CC2D2A: variants seen among roughly 807,000 people sequenced by gnomAD.
CC2D2A encodes coiled-coil and C2 domain-containing protein 2A.
Under a neutral mutation model 212.9 loss-of-function variants are expected in CC2D2A, and 155 were observed. The ratio of observed to expected loss-of-function variants is 0.73; its 90% CI spans 0.64 to 0.83. CC2D2A has a LOEUF of 0.83. Ranked by LOEUF, CC2D2A falls within the 40% of genes least tolerant of loss-of-function variation. The probability of loss-of-function intolerance (pLI) is 0.00; values close to 1 mark genes in which losing one functional copy is unlikely to be tolerated. For synonymous variants in CC2D2A, 667 were observed against 686.5 expected, an observed-to-expected ratio of 0.97 and a Z score of 0.44; for missense variants, 1,856 against 1,956.2, an observed-to-expected ratio of 0.95 and a Z score of 0.97.
intron 30 of CC2D2A, among the ~76,000 whole-genome samples, chr4:15,582,145 C>A (rs1443876320): frequency 1.3e-5 from 2 of 151,670 alleles, no homozygotes; most frequent in Non-Finnish European, 2.9e-5. Context: ...TTTTAAAGTA[C>A]CAAGTGGAAC....
At chr4:15,504,600 G>A (rs1716151692) in intron 6 of CC2D2A, among the ~76,000 whole-genome samples, 1 of 152,020 alleles carries the variant, frequency 6.6e-6, no homozygotes, top group South Asian at 2.1e-4. Flanking sequence ...CACTGTCCAT[G>A]GGCCACAAAT....
chr4:15,500,482 C>T lies in CC2D2A; in HGVS notation c.248-1947C>T, dbSNP rs1715883711. Reference sequence around the variant, plus strand: ...GAATGCCAAAGGCCATTTTATTAAGCTAATGGAGATTCTCTTAAAGAACTT... The same window carrying T: ...GAATGCCAAAGGCCATTTTATTAAGTTAATGGAGATTCTCTTAAAGAACTT... On this transcript the variant is annotated intron_variant, in intron 4 of 36. Coordinates refer to ENST00000424120, the MANE Select transcript of CC2D2A (RefSeq NM_001378615.1). Among the ~76,000 whole-genome samples, 5 of 152,084 alleles carry T rather than the reference C, an allele frequency of 3.3e-5. No individual in the cohort carries two copies. In the South Asian group the frequency reaches 1.0e-3, roughly 32 times the overall value.
At chr4:15,600,803 A>C (rs1015371295) in intron 36 of CC2D2A, among the ~76,000 whole-genome samples, 19 of 150,880 alleles carry the variant, frequency 1.3e-4, no homozygotes, top group African/African-American at 4.6e-4. Flanking sequence ...CAGGAGGCTA[A>C]AGTGGGGGGA....
intron 29 of CC2D2A, among the ~76,000 whole-genome samples, chr4:15,577,820 C>T (rs1720478283): frequency 6.6e-6 from 1 of 152,070 alleles, no homozygotes; most frequent in Non-Finnish European, 1.5e-5. Context: ...TCCCACAGCA[C>T]TGTAGGTCTC....
chr4:15,507,119 C>T (rs376349827), intron 6 of CC2D2A, among the ~76,000 whole-genome samples: 100 of 151,658 alleles, frequency 6.6e-4, no homozygotes, highest in African/African-American at 2.2e-3. Context: ...CTGGGTAATA[C>T]TCATCTGCTT....
Position 15,555,182 on chromosome 4 carries a change from A to G in CC2D2A, c.2597A>G (p.Asn866Ser), listed in dbSNP as rs199563573. The change falls in exon 20 of 37, where the codon AAC (asparagine) becomes AGC (serine). Residue 866 changes from asparagine (N) to serine (S), a missense_variant. Physicochemically the swap from Asn to Ser is conservative, Grantham distance 46. Transcript: ENST00000424120. The stretch of plus-strand genomic sequence containing the variant: ...TCCAAGCTCGACCCAAATGACCCCA[A>G]CAATGCCCCTTTGATGCAGCTTATC... ...AESKLDPNDP[N>S]NAPLMQLISV... 2.5e-4 allele frequency: 405 copies of G among 1,613,782 alleles called. 2 individuals are homozygous for G. Among genetic ancestry groups the G allele is most frequent in the Non-Finnish European group, 3.2e-4 (383 of 1,179,842 alleles).
At chr4:15,543,586 T>G (rs1265210451) in intron 17 of CC2D2A, 1 of 152,216 alleles carries the variant, frequency 6.6e-6, no homozygotes, top group Non-Finnish European at 1.5e-5. Context: ...CAGGTAAAAG[T>G]AGAGAGTTGC....
At chr4:15,587,981 T>G (rs879723272) in intron 32 of CC2D2A, 52 bp downstream of exon 32, 1 of 1,029,928 alleles carries the variant, frequency 9.7e-7, no homozygotes, top group Non-Finnish European at 1.5e-6. Context: ...TCTAATCGAG[T>G]TGTGTGTTCC....
At chr4:15,577,365 A>G (rs1372653618) in intron 29 of CC2D2A, among the ~76,000 whole-genome samples, 1 of 152,198 alleles carries the variant, frequency 6.6e-6, no homozygotes, top group Non-Finnish European at 1.5e-5. Context: ...AGGCCAAAGA[A>G]TTGAGCCAGT....
intron 4 of CC2D2A, among the ~76,000 whole-genome samples, chr4:15,493,189 C>T (rs1715411526): frequency 6.6e-6 from 1 of 152,134 alleles, no homozygotes; most frequent in Non-Finnish European, 1.5e-5. Flanking sequence ...TTTGATCCCC[C>T]ACTTTCTTCA....
intron 4 of CC2D2A, among the ~76,000 whole-genome samples, chr4:15,493,750 G>T (rs1715450403): frequency 6.6e-6 from 1 of 152,104 alleles, no homozygotes; most frequent in Admixed American, 6.6e-5. Flanking sequence ...CATTTGTTTT[G>T]TTTACTGCCC....
intron 11 of CC2D2A, among the ~76,000 whole-genome samples, chr4:15,525,167 G>A (rs1401338737): frequency 6.6e-6 from 1 of 152,168 alleles, no homozygotes; most frequent in African/African-American, 2.4e-5. Flanking sequence ...GAGATGCAAA[G>A]TACAGGTGAC....
At chr4:15,599,799 C>T (rs1443354542) in intron 36 of CC2D2A, 93 bp downstream of exon 36, 5 of 946,334 alleles carry the variant, frequency 5.3e-6, no homozygotes, top group Non-Finnish European at 7.6e-6. Flanking sequence ...AAAAGACCCA[C>T]GTTGCTCCCA....
chr4:15,570,446 T>C lies in CC2D2A; in HGVS notation c.3544T>C (p.Trp1182Arg), dbSNP rs386833755. ...SGIHTRIERH[W>R]LGCVKMPFST... ...AATCCATACTCGTATTGAGAGACAC[T>C]GGCTGGGATGTGTGAAAATGCCATT... The change falls in exon 28 of 37, where the codon TGG (tryptophan) becomes CGG (arginine). Residue 1182 changes from tryptophan to arginine, a missense_variant. This residue lies in a region of CC2D2A where 1,512 missense variants were observed against 1,579.3 expected (regional missense o/e 0.96). Transcript: ENST00000424120. 40 of 1,608,500 alleles carry C rather than the reference T, an allele frequency of 2.5e-5. No individual in the cohort carries two copies. Among genetic ancestry groups the C allele is most frequent in the Admixed American group, 1.2e-4 (7 of 59,668 alleles).
At chr4:15,574,864 C>G (rs1177100162) in intron 29 of CC2D2A, among the ~76,000 whole-genome samples, 1 of 152,124 alleles carries the variant, frequency 6.6e-6, no homozygotes, top group Non-Finnish European at 1.5e-5. Flanking sequence ...AAAGAGTTTC[C>G]AGAACTTTCA....
Position 15,540,952 on chromosome 4 carries a change from G to C in CC2D2A, c.2119G>C (p.Val707Leu). ...VSRPLGADFRVHFGQIFNLQI... is the reference protein window; with the variant it reads ...VSRPLGADFRLHFGQIFNLQI... ...TCGGCCACTAGGAGCAGACTTCCGA[G>C]TTCACTTTGGGCAGATTTTCAATTT... The change falls in exon 17 of 37, where the codon GTT (valine) becomes CTT (leucine). Residue 707 changes from valine to leucine, a missense_variant. Transcript: ENST00000424120. 1 of 1,557,986 alleles carries C rather than the reference G, an allele frequency of 6.4e-7. No individual in the cohort carries two copies.
intron 17 of CC2D2A, among the ~76,000 whole-genome samples, chr4:15,543,281 C>T (rs772003961): frequency 1.3e-5 from 2 of 152,048 alleles, no homozygotes; most frequent in African/African-American, 4.8e-5. Flanking sequence ...TCATATAACT[C>T]TTTAAAGTGC....
intron 4 of CC2D2A, among the ~76,000 whole-genome samples, chr4:15,482,924 G>A (rs1425222455): frequency 3.3e-5 from 5 of 152,198 alleles, no homozygotes; most frequent in African/African-American, 1.2e-4. Context: ...GGGGAATGGA[G>A]AGGTATGGAA....
intron 22 of CC2D2A, among the ~76,000 whole-genome samples, chr4:15,559,708 G>T (rs1164162637): frequency 1.4e-5 from 2 of 142,830 alleles, no homozygotes; most frequent in African/African-American, 2.7e-5. Context: ...AACTTAACTT[G>T]CCACAAATGC....
Sources: allele counts gnomAD v4.1 joint callset (sites outside exome capture counted in the v4.1 genomes callset), GRCh38; gene constraint gnomAD v4.1.1; regional missense constraint gnomAD v4.1.1; transcripts MANE v1.5; gene names NCBI Gene and HGNC (gene_info 2026-07-23, HGNC 2026-07-21).